The following UNC13C variants were observed in gnomAD, a reference collection of about 807,000 sequenced individuals.
The protein encoded by UNC13C is protein unc-13 homolog C.
A neutral mutation model predicts 245.4 loss-of-function variants in UNC13C; 174 were observed. The observed-to-expected ratio is 0.71, with a 90% CI of 0.63 to 0.80. The LOEUF (loss-of-function observed/expected upper bound fraction) is 0.80. Ranked by LOEUF, UNC13C falls within the 30% of genes least tolerant of loss-of-function variation. The pLI, the probability that UNC13C is intolerant of heterozygous loss-of-function variation, is 0.00. For synonymous variants in UNC13C, 992 were observed against 895.1 expected, an observed-to-expected ratio of 1.11 and a Z score of -1.93; for missense variants, 2,829 against 2,602.9, an observed-to-expected ratio of 1.09 and a Z score of -1.89.
At chr15:54,192,502 G>A (rs989632982) in intron 4 of UNC13C, among the ~76,000 whole-genome samples, 13 of 152,108 alleles carry the variant, frequency 8.5e-5, no homozygotes, top group Non-Finnish European at 1.3e-4. Context: ...GCAGCTGCCA[G>A]ACTCTTCACA....
chr15:54,517,359 T>G (rs1895025230), intron 24 of UNC13C, among the ~76,000 whole-genome samples: 1 of 152,210 alleles, frequency 6.6e-6, no homozygotes, highest in Non-Finnish European at 1.5e-5. Context: ...TCGTATTTAG[T>G]TAGAATATCC....
chr15:54,329,425 T>A (rs1400226214), intron 14 of UNC13C, among the ~76,000 whole-genome samples: 2 of 151,962 alleles, frequency 1.3e-5, no homozygotes, highest in African/African-American at 4.8e-5. Flanking sequence ...TATTATTATT[T>A]TTATTATTGA....
chr15:54,601,520 A>AAGT (rs761061218), intron 30 of UNC13C, among the ~76,000 whole-genome samples: 7 of 152,336 alleles, frequency 4.6e-5, no homozygotes, highest in South Asian at 2.1e-4. Flanking sequence ...AATGTGGGCA[A>AAGT]AGTGGTGTAG....
At chr15:53,872,960 T>C in the UNC13C span, among the ~76,000 whole-genome samples, 1 of 152,180 alleles carries the variant, frequency 6.6e-6, no homozygotes, top group African/African-American at 2.4e-5. Flanking sequence ...TTGGTTGCTG[T>C]AGTTCTCAGA....
chr15:54,520,978 T>C (rs148268629), intron 24 of UNC13C, among the ~76,000 whole-genome samples: 116 of 152,318 alleles, frequency 7.6e-4, no homozygotes, highest in African/African-American at 2.8e-3. Flanking sequence ...CTGTTGTTTA[T>C]TTTAACATAA....
intron 4 of UNC13C, among the ~76,000 whole-genome samples, chr15:54,181,459 GTTTGT>G (rs1048732207): frequency 1.8e-4 from 27 of 150,684 alleles, no homozygotes; most frequent in African/African-American, 6.4e-4. Context: ...TTTTTTGTTT[GTTTGT>G]TTTGTTTTGT....
the UNC13C span, among the ~76,000 whole-genome samples, chr15:53,842,854 G>A: frequency 6.7e-6 from 1 of 150,254 alleles, no homozygotes; most frequent in East Asian, 1.9e-4. Context: ...AAGAAATTTT[G>A]AACACCAGGA....
At chr15:54,006,652 G>A (rs1461079732) in intron 1 of UNC13C, among the ~76,000 whole-genome samples, 1 of 152,082 alleles carries the variant, frequency 6.6e-6, no homozygotes, top group Non-Finnish European at 1.5e-5. Flanking sequence ...AATCTTCATT[G>A]ACCTGATAAA....
intron 19 of UNC13C, among the ~76,000 whole-genome samples, chr15:54,443,514 T>C (rs185821799): frequency 1.0e-3 from 152 of 152,168 alleles, no homozygotes; most frequent in Non-Finnish European, 1.1e-3. Flanking sequence ...TTAAAAATCT[T>C]TTTACTTTTT....
At chr15:54,214,817 C>T (rs112526338) in intron 4 of UNC13C, among the ~76,000 whole-genome samples, 5 of 151,970 alleles carry the variant, frequency 3.3e-5, no homozygotes, top group African/African-American at 1.2e-4. Flanking sequence ...AGCTTCAAAT[C>T]AAGGAACATT....
intron 30 of UNC13C, among the ~76,000 whole-genome samples, chr15:54,606,588 T>C (rs1899778858): frequency 6.6e-6 from 1 of 152,338 alleles, no homozygotes; most frequent in Admixed American, 6.5e-5. Flanking sequence ...CCACCAGTGT[T>C]TGACGATTTG....
the UNC13C span, among the ~76,000 whole-genome samples, chr15:53,844,549 A>G: frequency 2.0e-5 from 3 of 152,064 alleles, no homozygotes; most frequent in African/African-American, 7.2e-5. Context: ...AGGCTCCTGC[A>G]CTCTCATATA....
the UNC13C span, among the ~76,000 whole-genome samples, chr15:53,885,677 G>A: frequency 6.6e-6 from 1 of 152,098 alleles, no homozygotes; most frequent in Non-Finnish European, 1.5e-5. Flanking sequence ...TGTCCTTATA[G>A]GAGAATCGAT....
At chr15:54,218,578 A>G (rs1484601989) in intron 4 of UNC13C, among the ~76,000 whole-genome samples, 2 of 151,982 alleles carry the variant, frequency 1.3e-5, no homozygotes, top group East Asian at 3.9e-4. Context: ...CAGAAGTTGA[A>G]AGAGATGAGC....
At chr15:54,039,096 A>G (rs1173586459) in intron 2 of UNC13C, among the ~76,000 whole-genome samples, 1 of 152,194 alleles carries the variant, frequency 6.6e-6, no homozygotes, top group Non-Finnish European at 1.5e-5. Context: ...TGCCCTTTAG[A>G]AGACATTGTG....
intron 19 of UNC13C, among the ~76,000 whole-genome samples, chr15:54,427,442 G>T (rs1355635088): frequency 1.3e-5 from 2 of 151,652 alleles, no homozygotes; most frequent in Admixed American, 6.6e-5. Context: ...GTCCAATTAA[G>T]CCTCTTTTTC....
At chr15:54,431,622 C>A (rs751570034) in intron 19 of UNC13C, among the ~76,000 whole-genome samples, 17 of 151,588 alleles carry the variant, frequency 1.1e-4, no homozygotes, top group Non-Finnish European at 2.1e-4. Flanking sequence ...GAATTAATTG[C>A]CACTGAGGAA....
intron 17 of UNC13C, among the ~76,000 whole-genome samples, chr15:54,339,120 G>A (rs943752293): frequency 2.6e-5 from 4 of 152,018 alleles, no homozygotes; most frequent in Admixed American, 1.3e-4. Context: ...CGCCCGCCTC[G>A]GCCTCCCAAA....
chr15:53,895,897 A>G, the UNC13C span, among the ~76,000 whole-genome samples: 1 of 152,012 alleles, frequency 6.6e-6, no homozygotes, highest in Non-Finnish European at 1.5e-5. Flanking sequence ...TGTAAAATGT[A>G]AAAAAATTAA....
Sources: allele counts gnomAD v4.1 joint callset (sites outside exome capture counted in the v4.1 genomes callset), GRCh38; gene constraint gnomAD v4.1.1; transcripts MANE v1.5; gene names NCBI Gene and HGNC (gene_info 2026-07-23, HGNC 2026-07-21).